Variants in ABTB3 observed in about 807,000 individuals in gnomAD.
The protein encoded by ABTB3 is ankyrin repeat- and BTB/POZ domain-containing protein 3.
At chr12:107,631,065 A>G in the ABTB3 span, among the ~76,000 whole-genome samples, 6 of 152,160 alleles carry the variant, frequency 3.9e-5, no homozygotes, top group Admixed American at 3.3e-4. Flanking sequence ...ATAGGGCCCA[A>G]TGGGTAGCTT....
chr12:107,403,088 C>T, the ABTB3 span, among the ~76,000 whole-genome samples: 2 of 152,152 alleles, frequency 1.3e-5, no homozygotes, highest in Admixed American at 6.5e-5. Context: ...TCATTCATTC[C>T]GATTGTGTGA....
the ABTB3 span, among the ~76,000 whole-genome samples, chr12:107,519,641 A>G: frequency 6.6e-6 from 1 of 152,316 alleles, no homozygotes; most frequent in East Asian, 1.9e-4. Flanking sequence ...TCTTATGACC[A>G]AGGCAGAGGC....
At chr12:107,584,183 A>G in the ABTB3 span, among the ~76,000 whole-genome samples, 2 of 152,238 alleles carry the variant, frequency 1.3e-5, no homozygotes, top group Non-Finnish European at 2.9e-5. Context: ...TACTGTCTCC[A>G]TTTTGCAGGT....
At chr12:107,319,896 C>A in the ABTB3 span, 3 of 1,365,084 alleles carry the variant, frequency 2.2e-6, no homozygotes, top group Non-Finnish European at 2.9e-6. Flanking sequence ...CCGCCGGCCG[C>A]CGCGGCCGCC....
chr12:107,454,478 C>A, the ABTB3 span, among the ~76,000 whole-genome samples: 2 of 152,182 alleles, frequency 1.3e-5, no homozygotes, highest in East Asian at 1.9e-4. Flanking sequence ...GAGGCTGATG[C>A]AGAACTTTCC....
the ABTB3 span, among the ~76,000 whole-genome samples, chr12:107,389,560 C>T: frequency 1.3e-5 from 2 of 152,228 alleles, no homozygotes; most frequent in Non-Finnish European, 2.9e-5. Flanking sequence ...CCTCCTCCAA[C>T]ACTCCTGTCC....
the ABTB3 span, among the ~76,000 whole-genome samples, chr12:107,537,821 G>A: frequency 1.6e-4 from 25 of 152,226 alleles, 2 homozygotes; most frequent in South Asian, 5.0e-3. Context: ...AGTTCGTCCC[G>A]CAGTTTTTCA....
chr12:107,504,797 A>G, the ABTB3 span, among the ~76,000 whole-genome samples: 1 of 152,232 alleles, frequency 6.6e-6, no homozygotes, highest in African/African-American at 2.4e-5. Context: ...GGGACAGGAC[A>G]AATGTGAATG....
At chr12:107,459,634 G>T in the ABTB3 span, among the ~76,000 whole-genome samples, 1 of 152,236 alleles carries the variant, frequency 6.6e-6, no homozygotes, top group African/African-American at 2.4e-5. Flanking sequence ...AATATTACGG[G>T]CAGAGGGAGC....
chr12:107,480,962 C>T, the ABTB3 span, among the ~76,000 whole-genome samples: 1 of 152,172 alleles, frequency 6.6e-6, no homozygotes, highest in Non-Finnish European at 1.5e-5. Flanking sequence ...GTTAAATAAA[C>T]ACTTGAGGCT....
At chr12:107,494,617 C>G in the ABTB3 span, among the ~76,000 whole-genome samples, 1 of 152,176 alleles carries the variant, frequency 6.6e-6, no homozygotes, top group South Asian at 2.1e-4. Context: ...CCTAAGCAAC[C>G]CTGCCTCTGG....
chr12:107,496,895 C>T, the ABTB3 span, among the ~76,000 whole-genome samples: 2 of 152,084 alleles, frequency 1.3e-5, no homozygotes, highest in South Asian at 4.1e-4. Context: ...CTTATTGTAC[C>T]GTGATTATTG....
At chr12:107,528,681 A>G in the ABTB3 span, among the ~76,000 whole-genome samples, 1 of 152,000 alleles carries the variant, frequency 6.6e-6, no homozygotes, top group Non-Finnish European at 1.5e-5. Context: ...CCCTGTGCCA[A>G]CTCCATCTCC....
chr12:107,652,652 G>GCTATAAAAATAT, the ABTB3 span, among the ~76,000 whole-genome samples: 1 of 152,166 alleles, frequency 6.6e-6, no homozygotes, highest in Admixed American at 6.5e-5. Flanking sequence ...GCCCCTCAGG[G>GCTATAAAAATAT]AGCCCAGAAA....
chr12:107,654,132 CTGAA>C, the ABTB3 span, among the ~76,000 whole-genome samples: 3 of 152,202 alleles, frequency 2.0e-5, no homozygotes, highest in Non-Finnish European at 4.4e-5. Context: ...TTCTTTAAGA[CTGAA>C]TAATATTTCA....
the ABTB3 span, among the ~76,000 whole-genome samples, chr12:107,542,183 A>G: frequency 6.6e-6 from 1 of 151,936 alleles, no homozygotes; most frequent in Non-Finnish European, 1.5e-5. Flanking sequence ...GTGGTGGTGC[A>G]TGCCTGTAAT....
chr12:107,451,730 C>T, the ABTB3 span, among the ~76,000 whole-genome samples: 1 of 152,042 alleles, frequency 6.6e-6, no homozygotes, highest in Non-Finnish European at 1.5e-5. Flanking sequence ...TTCCCTACCT[C>T]CCAGTTTTAC....
At chr12:107,354,573 G>A in the ABTB3 span, among the ~76,000 whole-genome samples, 230 of 152,160 alleles carry the variant, frequency 1.5e-3, 1 homozygote, top group Admixed American at 4.3e-3. Flanking sequence ...AGCAGATATC[G>A]GTACCTTATT....
chr12:107,330,786 A>G, the ABTB3 span, among the ~76,000 whole-genome samples: 2 of 152,230 alleles, frequency 1.3e-5, no homozygotes, highest in African/African-American at 2.4e-5. Context: ...TCCTGCTGTA[A>G]TATCTCCGGT....
Sources: gnomAD v4.1 joint callset for allele counts (sites outside exome capture counted in the v4.1 genomes callset) on GRCh38, gnomAD v4.1.1 for gene constraint, MANE v1.5 for transcripts, NCBI Gene and HGNC (gene_info 2026-07-23, HGNC 2026-07-21) for gene names.